VPS8: variants seen among roughly 807,000 people sequenced by gnomAD.
The protein encoded by VPS8 is VPS8 subunit of CORVET complex.
A neutral mutation model predicts 216.4 loss-of-function variants in VPS8; 129 were observed. The observed-to-expected ratio is 0.60, with a 90% CI of 0.52 to 0.69. The LOEUF (loss-of-function observed/expected upper bound fraction) is 0.69, where lower values mean the gene tolerates loss of function less well. Among genes scored for constraint, VPS8 ranks in the 30% least tolerant of loss-of-function variants. The pLI is 0.00. For missense variants in VPS8, 1,531 were observed against 1,683.5 expected (o/e 0.91, Z 1.59); for synonymous variants, 571 against 565.4 (o/e 1.01, Z -0.14).
rs745708822 is a variant in VPS8, at chr3:184,915,030, C to G, written c.2239C>G (p.Leu747Val). ...TCCCCTTGGTGACATCCCTGAAGAT[C>G]TGGTTCCCTTGGTTAAAAACCAGGT... Reference protein sequence around the residue: ...AYPLGDIPEDLVPLVKNQVFE... With the variant: ...AYPLGDIPEDVVPLVKNQVFE... The change falls in exon 27 of 48, where the codon CTG becomes GTG. Residue 747 changes from leucine to valine, a missense_variant. Physicochemically the swap from Leu to Val is conservative, Grantham distance 32. Around this residue, in one of 3 missense-constraint regions of VPS8, gnomAD observed 1,318 missense variants for 1,468.4 expected, o/e 0.90. Coordinates refer to ENST00000625842, the MANE Select transcript of VPS8 (RefSeq NM_001009921.3). 21 of 1,613,982 alleles carry G rather than the reference C, an allele frequency of 1.3e-5. No individual in the cohort carries two copies. The highest frequency in any genetic ancestry group is 1.6e-4 in the Middle Eastern group (1 of 6,062).
Position 184,839,835 on chromosome 3 carries a change from G to T in VPS8, c.535+83G>T, listed in dbSNP as rs1293257485. Reference sequence around the variant, plus strand: ...ATGTCCTTTAATCACAGTTTATATAGTGTACTTGATTTTCTTGAACAAAAC... The same window carrying T: ...ATGTCCTTTAATCACAGTTTATATATTGTACTTGATTTTCTTGAACAAAAC... On this transcript the variant is annotated intron_variant, in intron 7 of 47. Coordinates refer to ENST00000625842, the MANE Select transcript of VPS8 (RefSeq NM_001009921.3). The T allele has an allele frequency of 4.7e-6, 7 of 1,496,780 alleles. No homozygotes were observed. In the East Asian group the frequency reaches 1.5e-4, roughly 33 times the overall value. 92.7% of individuals were successfully genotyped at this position (1,496,780 alleles called of 1,614,324 possible).
At chr3:184,891,353 C>A (rs1045255533) in intron 22 of VPS8, among the ~76,000 whole-genome samples, 1 of 152,072 alleles carries the variant, frequency 6.6e-6, no homozygotes, top group South Asian at 2.1e-4. Context: ...ACAAAAAGAT[C>A]TTAATTATCA....
rs1166439837 is a variant in VPS8 at position 185,008,376 on chromosome 3, C to T, written c.4002+8515C>T. Among the ~76,000 whole-genome samples the T allele has an allele frequency of 2.6e-5, 4 of 151,980 alleles. 1 individual carries two copies. The highest frequency in any genetic ancestry group is 3.2e-3 in the Middle Eastern group (1 of 316). ...GAGCCAAACACTATTCTTGGTATGA[C>T]GATACATTGGTGAACAAAAAAATAA... On this transcript the variant is annotated intron_variant, in intron 45 of 47. Transcript: ENST00000625842.
rs941023416 is a variant in VPS8, at chr3:184,812,221, C to T, written c.-93C>T. The T allele has an allele frequency of 6.6e-6, 1 of 152,540 alleles. No individual in the cohort carries two copies. The highest frequency in any genetic ancestry group is 1.5e-5 in the Non-Finnish European group (1 of 68,284). The allele number at this position is 152,540 out of a possible 1,614,324, so 9.4% of individuals were successfully genotyped here. A position where few individuals can be genotyped will look rare whatever the true frequency, so the allele number is the denominator to read the frequency against. On this transcript the variant is annotated 5_prime_UTR_variant, in exon 1 of 48. Coordinates refer to ENST00000625842, the MANE Select transcript of VPS8 (RefSeq NM_001009921.3). ...GGTCCACGGCCGGAATGGCAGCAAG[C>T]TCAGGTAACGAGTTTCCAGAGAGCG...
At chr3:184,886,490 TACAC>T (rs1187026081) in intron 22 of VPS8, among the ~76,000 whole-genome samples, 1 of 150,784 alleles carries the variant, frequency 6.6e-6, no homozygotes, top group East Asian at 1.9e-4. Context: ...CACGCATATA[TACAC>T]ACACATATAT....
chr3:185,041,094 A>G (rs1038526324), intron 46 of VPS8, among the ~76,000 whole-genome samples: 3 of 152,056 alleles, frequency 2.0e-5, no homozygotes, highest in African/African-American at 4.8e-5. Context: ...AATCCCAGCT[A>G]TTCGGGAGGC....
At chr3:185,029,599 C>G (rs1387372881) in intron 46 of VPS8, among the ~76,000 whole-genome samples, 1 of 150,686 alleles carries the variant, frequency 6.6e-6, no homozygotes, top group Non-Finnish European at 1.5e-5. Flanking sequence ...GAGTCTCACT[C>G]TGTTGCCCGG....
At chr3:184,930,026 G>A (rs1205379554) in intron 33 of VPS8, among the ~76,000 whole-genome samples, 2 of 152,188 alleles carry the variant, frequency 1.3e-5, no homozygotes, top group African/African-American at 4.8e-5. Flanking sequence ...CAAGAAGAGT[G>A]TTCCAGGATG....
rs530158465 is a variant in VPS8, at chr3:184,976,088, A to G, written c.3420+4336A>G. On this transcript the variant is annotated intron_variant, in intron 40 of 47. Coordinates refer to ENST00000625842, the MANE Select transcript of VPS8 (RefSeq NM_001009921.3). ...TTTAGCTCCCATTGTAATTATGTGT[A>G]TATGTTTATAATTATTATACATTTC... Among the ~76,000 whole-genome samples the G allele has an allele frequency of 4.6e-5, 7 of 152,262 alleles. No individual in the cohort carries two copies. The East Asian group carries it at 1.2e-3, about 25-fold the overall frequency.
chr3:185,023,645 C>T (rs886489812), intron 45 of VPS8, among the ~76,000 whole-genome samples: 35 of 151,858 alleles, frequency 2.3e-4, no homozygotes, highest in Admixed American at 1.6e-3. Context: ...GCAACAGAAG[C>T]GAAACTCTGT....
intron 11 of VPS8, among the ~76,000 whole-genome samples, chr3:184,852,922 A>G (rs1018290523): frequency 3.9e-5 from 6 of 152,190 alleles, no homozygotes; most frequent in Non-Finnish European, 8.8e-5. Context: ...GTTTTTAATT[A>G]TCTTAGAATT....
intron 21 of VPS8, among the ~76,000 whole-genome samples, chr3:184,876,212 T>C (rs999225444): frequency 3.3e-5 from 5 of 152,182 alleles, no homozygotes; most frequent in South Asian, 2.1e-4. Context: ...TGATTCTCTT[T>C]GTTTATTCTT....
At chr3:184,897,295 G>T (rs1461589261) in intron 23 of VPS8, among the ~76,000 whole-genome samples, 2 of 152,112 alleles carry the variant, frequency 1.3e-5, no homozygotes, top group Non-Finnish European at 1.5e-5. Flanking sequence ...TTTAGAGATA[G>T]AATTGATTTG....
At chr3:184,864,964 A>G (rs1340334089) in intron 16 of VPS8, among the ~76,000 whole-genome samples, 2 of 152,236 alleles carry the variant, frequency 1.3e-5, no homozygotes, top group African/African-American at 4.8e-5. Context: ...AAAGTTAAGT[A>G]GAGACATGGA....
At chr3:184,842,548 T>C (rs1343269702) in intron 7 of VPS8, among the ~76,000 whole-genome samples, 2 of 152,314 alleles carry the variant, frequency 1.3e-5, no homozygotes, top group Non-Finnish European at 2.9e-5. Flanking sequence ...ATCAGATGTT[T>C]GGACAACGTG....
rs909163050 is a variant in VPS8, at chr3:185,027,361, G to A, written c.4056+2972G>A. Among the ~76,000 whole-genome samples, 38 of 148,236 alleles carry A rather than the reference G, an allele frequency of 2.6e-4. No homozygotes were observed. In the Admixed American group the frequency reaches 2.6e-3, roughly 10 times the overall value. On this transcript the variant is annotated intron_variant, in intron 46 of 47. Transcript: ENST00000625842. ...GGGTTCACGCCATTCTCCTGCCTCA[G>A]CCTCCCAAGTAGCTGGGACTACAGG...
chr3:184,822,791 G>A (rs567160911), intron 1 of VPS8, among the ~76,000 whole-genome samples: 36 of 152,276 alleles, frequency 2.4e-4, no homozygotes, highest in African/African-American at 8.4e-4. Context: ...ACTGCATTTG[G>A]GTTATTGCAA....
intron 26 of VPS8, 51 bp downstream of exon 26, chr3:184,913,612 C>T (rs1310825390): frequency 6.9e-7 from 1 of 1,452,748 alleles, no homozygotes; most frequent in African/African-American, 1.4e-5. Flanking sequence ...CTATATTTTT[C>T]CTATATTTTT....
chr3:184,863,041 A>G lies in VPS8; in HGVS notation c.1369A>G (p.Thr457Ala). 6.2e-7 allele frequency: 1 copy of G among 1,613,896 alleles called. No individual in the cohort carries two copies. The stretch of plus-strand genomic sequence containing the variant: ...TAGCAGCCATTTCAAATCACTAGCC[A>G]CTGGAGGAAATGTTAGCCAGGCACT... ...YNSSHFKSLA[T>A]GGNVSQALAL... Residue 457 changes from threonine to alanine, a missense_variant, in exon 16 of 48, where the codon ACT becomes GCT. This residue lies in a region of VPS8 where 1,318 missense variants were observed against 1,468.4 expected (regional missense o/e 0.90). Transcript: ENST00000625842.
Sources: allele counts gnomAD v4.1 joint callset (sites outside exome capture counted in the v4.1 genomes callset), GRCh38; gene constraint gnomAD v4.1.1; regional missense constraint gnomAD v4.1.1; transcripts MANE v1.5; gene names NCBI Gene and HGNC (gene_info 2026-07-23, HGNC 2026-07-21).